STRBP: variants seen among roughly 807,000 people sequenced by gnomAD.
STRBP encodes the protein spermatid perinuclear RNA binding protein, also known as spermatid perinuclear RNA-binding protein.
Under a neutral mutation model 80.1 loss-of-function variants are expected in STRBP, and 13 were observed. That is an observed-to-expected ratio of 0.16 (90% CI 0.11 to 0.26). The LOEUF (loss-of-function observed/expected upper bound fraction) is 0.26, where lower values mean the gene tolerates loss of function less well. Ranked by LOEUF, STRBP falls within the 10% of genes least tolerant of loss-of-function variation. The pLI is 1.00. For missense variants in STRBP, 485 were observed against 815.2 expected, an observed-to-expected ratio of 0.59 and a Z score of 4.93; for synonymous variants, 284 against 291.2, an observed-to-expected ratio of 0.98 and a Z score of 0.25.
At chr9:123,258,245 G>C (rs1435359295) in intron 1 of STRBP, among the ~76,000 whole-genome samples, 1 of 151,996 alleles carries the variant, frequency 6.6e-6, no homozygotes, top group East Asian at 1.9e-4. Context: ...ATATCAGGTG[G>C]AGAAAAAAAG....
At chr9:123,212,427 A>T (rs2039744784) in intron 2 of STRBP, among the ~76,000 whole-genome samples, 1 of 152,182 alleles carries the variant, frequency 6.6e-6, no homozygotes, top group Admixed American at 6.5e-5. Context: ...AAATTCGTAT[A>T]TTTATTAGCT....
chr9:123,142,754 T>G (rs2036645594), intron 13 of STRBP, among the ~76,000 whole-genome samples: 1 of 152,160 alleles, frequency 6.6e-6, no homozygotes, highest in Non-Finnish European at 1.5e-5. Context: ...TTTTTTTTTT[T>G]TACTGTTTTA....
intron 2 of STRBP, among the ~76,000 whole-genome samples, chr9:123,231,125 T>C (rs1464887641): frequency 1.3e-5 from 2 of 152,174 alleles, no homozygotes; most frequent in African/African-American, 4.8e-5. Flanking sequence ...ATTTAATTAA[T>C]CTGGGGTGGG....
chr9:123,181,295 A>T (rs1246779659), intron 3 of STRBP, among the ~76,000 whole-genome samples: 1 of 152,240 alleles, frequency 6.6e-6, no homozygotes, highest in African/African-American at 2.4e-5. Context: ...AAAGAGCCAT[A>T]GAGTTGGAAA....
At chr9:123,160,931 A>C (rs764038561) in intron 7 of STRBP, 46 bp downstream of exon 7, 2 of 1,506,844 alleles carry the variant, frequency 1.3e-6, no homozygotes, top group South Asian at 2.5e-5. Context: ...TCCAAATGAA[A>C]CTTGGACAAA....
At chr9:123,212,919 C>T (rs1035807682) in intron 2 of STRBP, among the ~76,000 whole-genome samples, 3 of 152,274 alleles carry the variant, frequency 2.0e-5, no homozygotes, top group South Asian at 4.1e-4. Context: ...GATCATGCAA[C>T]TAGTAAATGG....
chr9:123,109,935 T>A (rs1564201335), intron 3 of STRBP: 2 of 152,148 alleles, frequency 1.3e-5, no homozygotes, highest in African/African-American at 4.8e-5. Context: ...AATAGATACA[T>A]GATAGATATT....
At chr9:123,240,180 T>A (rs1358198089) in intron 1 of STRBP, among the ~76,000 whole-genome samples, 1 of 152,250 alleles carries the variant, frequency 6.6e-6, no homozygotes, top group African/African-American at 2.4e-5. Flanking sequence ...CAAAATTCAA[T>A]GAAAGCAAGG....
intron 2 of STRBP, among the ~76,000 whole-genome samples, chr9:123,234,999 G>C (rs981683980): frequency 1.1e-3 from 150 of 135,850 alleles, no homozygotes; most frequent in Non-Finnish European, 1.3e-3. Context: ...TTTTTTTTGG[G>C]GGGGGGGGGT....
chr9:123,146,825 A>G (rs1281003427), intron 13 of STRBP, 30 bp downstream of exon 13: 1 of 1,545,024 alleles, frequency 6.5e-7, no homozygotes, highest in Non-Finnish European at 8.8e-7. Flanking sequence ...TAAAATAAGA[A>G]AGCATTGCAA....
intron 3 of STRBP, chr9:123,180,794 A>G (rs2038425648): frequency 2.4e-6 from 1 of 415,142 alleles, no homozygotes; most frequent in African/African-American, 2.2e-5. Context: ...CAAAATGAAC[A>G]AGGATAACTT....
intron 2 of STRBP, among the ~76,000 whole-genome samples, chr9:123,187,650 G>C (rs1362599256): frequency 6.6e-6 from 1 of 152,096 alleles, no homozygotes; most frequent in Middle Eastern, 3.2e-3. Context: ...CTTTTTAATT[G>C]AGCACTTTTT....
chr9:123,163,899 A>G lies in STRBP; in HGVS notation c.536-2831T>C, dbSNP rs947966328. 2.0e-5 allele frequency among the ~76,000 whole-genome samples: 3 copies of G among 152,324 alleles called. No homozygotes were observed. The South Asian group carries it at 6.2e-4, about 32-fold the overall frequency. On this transcript the variant is annotated intron_variant, in intron 6 of 18. Transcript: ENST00000348403. ...CTGATAACACATCTTGGAGTTCTTA[A>G]TTAGAAACAATAGAACTGTGAGCCA...
chr9:123,220,846 A>T (rs1297258783), intron 2 of STRBP, among the ~76,000 whole-genome samples: 1 of 152,242 alleles, frequency 6.6e-6, no homozygotes, highest in Non-Finnish European at 1.5e-5. Flanking sequence ...AAGACTTAGC[A>T]GGGTTAAGTG....
intron 2 of STRBP, among the ~76,000 whole-genome samples, chr9:123,214,641 T>C (rs1030740612): frequency 3.3e-5 from 5 of 152,184 alleles, no homozygotes; most frequent in African/African-American, 4.8e-5. Context: ...GGTCAAATGC[T>C]ACCTCTCCAG....
At chr9:123,152,864 C>T (rs2037118039) in intron 11 of STRBP, among the ~76,000 whole-genome samples, 1 of 152,138 alleles carries the variant, frequency 6.6e-6, no homozygotes, top group Non-Finnish European at 1.5e-5. Context: ...AAAACTTACA[C>T]ACACGCACTG....
At chr9:123,257,092 A>G (rs762283110) in intron 1 of STRBP, among the ~76,000 whole-genome samples, 2 of 152,040 alleles carry the variant, frequency 1.3e-5, no homozygotes, top group Non-Finnish European at 2.9e-5. Context: ...CTGCATTCAA[A>G]TCCTTCTATC....
rs528603583 is a variant in STRBP, at chr9:123,219,072, C to T, written c.-165+17758G>A. ...AAGATAAAATCAAGCCAAGCTCTTG[C>T]CCTGTAAATAATCACTGTATCACCC... On this transcript the variant is annotated intron_variant, in intron 2 of 18. Transcript: ENST00000348403. 2.1e-5 allele frequency among the ~76,000 whole-genome samples: 3 copies of T among 144,222 alleles called. No individual in the cohort carries two copies. The South Asian group carries it at 6.3e-4, about 31-fold the overall frequency. 94.6% of individuals were successfully genotyped at this position (144,222 alleles called of 152,430 possible). A position where few individuals can be genotyped will look rare whatever the true frequency, so the allele number is the denominator to read the frequency against.
At position 123,124,630 on chromosome 9, in the gene STRBP, A is replaced by C. The variant is rs941004835; in HGVS notation, c.*967T>G. On this transcript the variant is annotated 3_prime_UTR_variant, in exon 19 of 19. Transcript: ENST00000348403. ...TCAATGAATCCCAGCAAAATCACTAATCTTCTATCTGCATGAAAAAAGCCA... is the reference window on the plus strand; with the variant it reads ...TCAATGAATCCCAGCAAAATCACTACTCTTCTATCTGCATGAAAAAAGCCA... 1.0e-6 allele frequency: 1 copy of C among 985,420 alleles called. No individual in the cohort carries two copies. Among genetic ancestry groups the C allele is most frequent in the Non-Finnish European group, 1.2e-6 (1 of 829,924 alleles). 61.0% of individuals were successfully genotyped at this position (985,420 alleles called of 1,614,324 possible).
Sources: gnomAD v4.1 joint callset for allele counts (sites outside exome capture counted in the v4.1 genomes callset) on GRCh38, gnomAD v4.1.1 for gene constraint, MANE v1.5 for transcripts, NCBI Gene and HGNC (gene_info 2026-07-23, HGNC 2026-07-21) for gene names.